Variants in DEPTOR observed in about 807,000 individuals in gnomAD.
DEPTOR encodes DEP domain containing MTOR interacting protein.
A neutral mutation model predicts 41.6 loss-of-function variants in DEPTOR; 41 were observed. The ratio of observed to expected loss-of-function variants is 0.98; its 90% CI spans 0.77 to 1.28. DEPTOR has a LOEUF of 1.28. Ranked by LOEUF, DEPTOR falls within the 50% of genes most tolerant of loss-of-function variation. The probability of loss-of-function intolerance (pLI) is 0.00; values close to 1 mark genes in which losing one functional copy is unlikely to be tolerated. For synonymous variants in DEPTOR, 195 were observed against 192.3 expected (o/e 1.01, Z -0.12); for missense variants, 514 against 527.9 (o/e 0.97, Z 0.26).
At chr8:119,911,307 CATT>C (rs1213829052) in intron 1 of DEPTOR, among the ~76,000 whole-genome samples, 1 of 132,018 alleles carries the variant, frequency 7.6e-6, no homozygotes, top group Non-Finnish European at 1.6e-5. Flanking sequence ...TATGTACACA[CATT>C]CTTTTTTTTT....
At chr8:120,008,377 A>G (rs1315638200) in intron 7 of DEPTOR, among the ~76,000 whole-genome samples, 1 of 152,012 alleles carries the variant, frequency 6.6e-6, no homozygotes, top group Admixed American at 6.6e-5. Flanking sequence ...AAAATACACA[A>G]AATTAGCCAG....
intron 1 of DEPTOR, among the ~76,000 whole-genome samples, chr8:119,888,091 G>A (rs1325508071): frequency 6.6e-6 from 1 of 152,038 alleles, no homozygotes; most frequent in Non-Finnish European, 1.5e-5. Flanking sequence ...AAAATGTTGG[G>A]ATTACAGAGG....
chr8:119,926,732 C>T (rs552464108), intron 1 of DEPTOR, among the ~76,000 whole-genome samples: 1 of 152,178 alleles, frequency 6.6e-6, no homozygotes, highest in Admixed American at 6.5e-5. Flanking sequence ...ATATCCTCAT[C>T]TCTGTTACTA....
Position 120,049,496 on chromosome 8 carries a change from G to A in DEPTOR, c.1102-80G>A, listed in dbSNP as rs555695930. On this transcript the variant is annotated intron_variant, in intron 8 of 8. Transcript: ENST00000286234. ...TTTTAAGAATGAAGTTACCTGTTAG[G>A]GCTACACACTGTCTTTATTAAAGCT... 24 of 1,531,214 alleles carry A rather than the reference G, an allele frequency of 1.6e-5. No individual in the cohort carries two copies. In the African/African-American group the frequency reaches 1.9e-4, roughly 12 times the overall value. The allele number at this position is 1,531,214 out of a possible 1,614,324, so 94.9% of individuals were successfully genotyped here.
chr8:119,890,976 C>CAA (rs2129714836), intron 1 of DEPTOR, among the ~76,000 whole-genome samples: 1 of 152,146 alleles, frequency 6.6e-6, no homozygotes, highest in African/African-American at 2.4e-5. Context: ...TTCAAAAGGG[C>CAA]AATATATAGA....
At chr8:119,948,166 TGC>T (rs1217870130) in intron 3 of DEPTOR, among the ~76,000 whole-genome samples, 1 of 152,238 alleles carries the variant, frequency 6.6e-6, no homozygotes. Context: ...TTTTAACATT[TGC>T]TTCCCCATCT....
At chr8:119,926,271 A>G (rs1827962532) in intron 1 of DEPTOR, among the ~76,000 whole-genome samples, 1 of 152,160 alleles carries the variant, frequency 6.6e-6, no homozygotes, top group Non-Finnish European at 1.5e-5. Context: ...GAATACTCAG[A>G]TAAACATGAT....
chr8:120,032,505 G>A (rs575123782), intron 8 of DEPTOR, among the ~76,000 whole-genome samples: 2 of 152,252 alleles, frequency 1.3e-5, no homozygotes, highest in Non-Finnish European at 2.9e-5. Flanking sequence ...ACAGGCGTGA[G>A]TTACCACACC....
intron 1 of DEPTOR, among the ~76,000 whole-genome samples, chr8:119,921,211 G>A (rs1335472104): frequency 2.6e-5 from 4 of 152,016 alleles, no homozygotes; most frequent in Admixed American, 6.6e-5. Flanking sequence ...TCCTGACCTC[G>A]GGCAATCCAC....
rs191654067 is a variant in DEPTOR at position 119,885,700 on chromosome 8, A to G, written c.122+11732A>G. Among the ~76,000 whole-genome samples the G allele has an allele frequency of 2.0e-5, 3 of 152,336 alleles. No homozygotes were observed. The East Asian group carries it at 5.8e-4, about 29-fold the overall frequency. On this transcript the variant is annotated intron_variant, in intron 1 of 8. Transcript: ENST00000286234. ...GTAAGTTAGAGCTTTTTCCTCTAAC[A>G]TTGTATTATGAAAAATTTCAAATGT... is the stretch of plus-strand genomic sequence containing the variant.
chr8:119,941,373 CAAAAA>C (rs749120675), intron 3 of DEPTOR, among the ~76,000 whole-genome samples: 1 of 39,962 alleles, frequency 2.5e-5, no homozygotes, highest in Admixed American at 3.2e-4. Flanking sequence ...ATCTCCATCT[CAAAAA>C]AAAAAAAAAA....
chr8:119,981,613 G>A (rs1449214312), intron 4 of DEPTOR, among the ~76,000 whole-genome samples: 2 of 149,298 alleles, frequency 1.3e-5, no homozygotes, highest in African/African-American at 5.0e-5. Context: ...AGCAGTGATT[G>A]TGCCACTGCA....
At chr8:120,025,066 G>C (rs995578634) in intron 8 of DEPTOR, among the ~76,000 whole-genome samples, 1 of 152,162 alleles carries the variant, frequency 6.6e-6, no homozygotes, top group African/African-American at 2.4e-5. Context: ...TGAGGTCCCT[G>C]CCCTCAGGGG....
chr8:120,029,676 G>C (rs1054728175), intron 8 of DEPTOR, among the ~76,000 whole-genome samples: 1 of 152,122 alleles, frequency 6.6e-6, no homozygotes, highest in Admixed American at 6.5e-5. Context: ...GATTACAGGC[G>C]TGAGCCACCG....
intron 7 of DEPTOR, 100 bp downstream of exon 7, chr8:120,006,975 T>G (rs1038260644): frequency 8.7e-7 from 1 of 1,146,476 alleles, no homozygotes; most frequent in African/African-American, 1.6e-5. Context: ...AAAACTACTT[T>G]TCTAATTTTC....
chr8:119,930,065 A>G (rs2129855508), intron 3 of DEPTOR, 127 bp downstream of exon 3: 2 of 1,125,044 alleles, frequency 1.8e-6, no homozygotes, highest in African/African-American at 1.6e-5. Context: ...GTTCTTTTCC[A>G]TATGAGAAAA....
chr8:119,927,174 G>A (rs1208366152), intron 1 of DEPTOR, among the ~76,000 whole-genome samples: 1 of 152,096 alleles, frequency 6.6e-6, no homozygotes, highest in Admixed American at 6.6e-5. Flanking sequence ...TGAAGTTCTG[G>A]AACCACTGGG....
chr8:119,931,958 GATTATTATTATT>G (rs58758138), intron 3 of DEPTOR, among the ~76,000 whole-genome samples: 52 of 142,684 alleles, frequency 3.6e-4, no homozygotes, highest in African/African-American at 9.0e-4. Flanking sequence ...AATTAAAAAA[GATTATTATTATT>G]ATTATTATTA....
intron 1 of DEPTOR, among the ~76,000 whole-genome samples, chr8:119,919,075 T>A (rs1179742867): frequency 6.6e-6 from 1 of 152,190 alleles, no homozygotes; most frequent in Non-Finnish European, 1.5e-5. Flanking sequence ...TATTTCTATC[T>A]GTATTTGTTG....
Sources: gnomAD v4.1 joint callset for allele counts (sites outside exome capture counted in the v4.1 genomes callset) on GRCh38, gnomAD v4.1.1 for gene constraint, MANE v1.5 for transcripts, NCBI Gene and HGNC (gene_info 2026-07-23, HGNC 2026-07-21) for gene names.